TNKS: variants seen among roughly 807,000 people sequenced by gnomAD.
TNKS encodes poly [ADP-ribose] polymerase tankyrase-1.
Under a neutral mutation model 135.8 loss-of-function variants are expected in TNKS, and 72 were observed. That is an observed-to-expected ratio of 0.53 (90% confidence interval 0.44 to 0.64). TNKS has a LOEUF of 0.64. Ranked by LOEUF, TNKS falls within the 30% of genes least tolerant of loss-of-function variation. TNKS has a pLI of 0.00. For synonymous variants in TNKS, 849 were observed against 649.3 expected (o/e 1.31, Z -4.68); for missense variants, 1,769 against 1,674.0 (o/e 1.06, Z -0.99).
chr8:9,657,640 C>T (rs1423841656), intron 3 of TNKS, among the ~76,000 whole-genome samples: 5 of 84,896 alleles, frequency 5.9e-5, no homozygotes, highest in African/African-American at 2.3e-4. Flanking sequence ...GGCGGCTGGC[C>T]GGGTGGGGGG....
At position 9,693,394 on chromosome 8, in the gene TNKS, A is replaced by G. The variant is rs576251526; in HGVS notation, c.1108-11269A>G. Among the ~76,000 whole-genome samples the G allele has an allele frequency of 2.0e-5, 3 of 152,346 alleles. No homozygotes were observed. The East Asian group carries it at 5.8e-4, about 29-fold the overall frequency. ...TACATGTTCATATACATGGAAAAATATCTGAAATGATCATTGTGCAACTGT... is the reference window on the plus strand; with the variant it reads ...TACATGTTCATATACATGGAAAAATGTCTGAAATGATCATTGTGCAACTGT... On this transcript the variant is annotated intron_variant, in intron 5 of 26. Transcript: ENST00000310430.
chr8:9,764,584 A>T, intron 22 of TNKS, 132 bp from the exon 23 acceptor site: 1 of 511,854 alleles, frequency 2.0e-6, no homozygotes, highest in South Asian at 4.4e-5. Flanking sequence ...CACCAAAAAT[A>T]CTTATCCACT....
Position 9,777,317 on chromosome 8 carries a change from T to A in TNKS, c.*581T>A, listed in dbSNP as rs1248105327. 6.5e-6 allele frequency: 1 copy of A among 152,896 alleles called. No individual in the cohort carries two copies. Among genetic ancestry groups the A allele is most frequent in the African/African-American group, 2.4e-5 (1 of 41,462 alleles). The allele number at this position is 152,896 out of a possible 1,614,324, so 9.5% of individuals were successfully genotyped here. ...ACCCAAGCTTCTGGCTGAGCAAGATTCAGTTTCCACTTTTTAAAATTTTTT... is the reference window on the plus strand; with the variant it reads ...ACCCAAGCTTCTGGCTGAGCAAGATACAGTTTCCACTTTTTAAAATTTTTT... On this transcript the variant is annotated 3_prime_UTR_variant, in exon 27 of 27. Coordinates refer to ENST00000310430, the MANE Select transcript of TNKS (RefSeq NM_003747.3).
At chr8:9,646,121 A>C (rs1370274954) in intron 3 of TNKS, among the ~76,000 whole-genome samples, 1 of 152,116 alleles carries the variant, frequency 6.6e-6, no homozygotes, top group Non-Finnish European at 1.5e-5. Flanking sequence ...ATTTGGGCTT[A>C]CTTGTATATT....
chr8:9,748,577 G>A (rs1317503562), intron 18 of TNKS, among the ~76,000 whole-genome samples: 1 of 152,154 alleles, frequency 6.6e-6, no homozygotes, highest in Non-Finnish European at 1.5e-5. Context: ...AAGTCTGTGA[G>A]ATAGTCAAAG....
At chr8:9,763,523 C>T (rs1273456591) in intron 22 of TNKS, among the ~76,000 whole-genome samples, 1 of 152,156 alleles carries the variant, frequency 6.6e-6, no homozygotes, top group East Asian at 1.9e-4. Context: ...CCTATTACAA[C>T]TATTTTCTTA....
At position 9,728,999 on chromosome 8, in the gene TNKS, G is replaced by A. The variant is rs115258966; in HGVS notation, c.2002-1891G>A. Among the ~76,000 whole-genome samples, 517 of 152,288 alleles carry A rather than the reference G, an allele frequency of 3.4e-3. 3 individuals carry two copies. The highest frequency in any genetic ancestry group is 0.012 in the African/African-American group (486 of 41,548). ...ATAGAAATTTATTTCTCTCAGTTCT[G>A]GAGGCTAGGAAGTCCAAGATCCAGG... On this transcript the variant is annotated intron_variant, in intron 13 of 26. Transcript: ENST00000310430.
chr8:9,760,211 G>T (rs111776415), intron 20 of TNKS, among the ~76,000 whole-genome samples: 8 of 152,302 alleles, frequency 5.3e-5, no homozygotes, highest in African/African-American at 1.9e-4. Context: ...GTGTATTTCA[G>T]AACTGGGGTT....
chr8:9,752,590 C>A lies in TNKS; in HGVS notation c.3117C>A (p.Gly1039=). ...TCAGCCAATTTCTAAAAAGCCTTGG[C>A]CTTGAACACCTTCGGGATATCTTTG... ...MNISQFLKSL[G]LEHLRDIFET... Residue 1039 remains glycine (G), a synonymous_variant, in exon 20 of 27, where the codon GGC becomes GGA. Coordinates refer to ENST00000310430, the MANE Select transcript of TNKS (RefSeq NM_003747.3). 6.2e-7 allele frequency: 1 copy of A among 1,612,888 alleles called. No individual in the cohort carries two copies. Among genetic ancestry groups the A allele is most frequent in the Middle Eastern group, 1.7e-4 (1 of 6,056 alleles).
At chr8:9,709,847 T>TACTCTGA in intron 9 of TNKS, 108 bp from the exon 10 acceptor site, 1 of 766,276 alleles carries the variant, frequency 1.3e-6, no homozygotes, top group South Asian at 1.7e-5. Context: ...TATGTTCTGA[T>TACTCTGA]ACTCTGAGAT....
intron 5 of TNKS, among the ~76,000 whole-genome samples, chr8:9,691,192 T>A (rs1803248861): frequency 6.6e-6 from 1 of 152,242 alleles, no homozygotes; most frequent in Non-Finnish European, 1.5e-5. Flanking sequence ...TGACTGTCTG[T>A]TAGAGATATC....
intron 3 of TNKS, among the ~76,000 whole-genome samples, chr8:9,638,219 A>T (rs1272053549): frequency 2.0e-5 from 3 of 152,204 alleles, no homozygotes; most frequent in Non-Finnish European, 4.4e-5. Context: ...AAGAGATCCT[A>T]TCACCGCAGC....
intron 14 of TNKS, among the ~76,000 whole-genome samples, chr8:9,731,857 G>A (rs1230346669): frequency 6.6e-6 from 1 of 151,970 alleles, no homozygotes; most frequent in African/African-American, 2.4e-5. Flanking sequence ...GCACAATCTC[G>A]GCTCACTGCA....
At position 9,556,391 on chromosome 8, in the gene TNKS, C is replaced by T. The variant is rs1442398832; in HGVS notation, c.452C>T (p.Ala151Val). 1.1e-5 allele frequency: 17 copies of T among 1,614,096 alleles called. No individual in the cohort carries two copies. Among genetic ancestry groups the T allele is most frequent in the African/African-American group, 2.7e-5 (2 of 74,942 alleles). Reference protein sequence around the residue: ...SSPSSPGSSLAESPEAAGVSS... With the variant: ...SSPSSPGSSLVESPEAAGVSS... ...CCATCCTCCCCTGGATCGAGCTTGG[C>T]GGAGAGCCCCGAGGCGGCCGGAGTT... Residue 151 changes from alanine (A) to valine (V), a missense_variant, in exon 1 of 27, where the codon GCG becomes GTG. Around this residue, in one of 5 missense-constraint regions of TNKS, gnomAD observed 450 missense variants for 304.9 expected, o/e 1.48. Coordinates refer to ENST00000310430, the MANE Select transcript of TNKS (RefSeq NM_003747.3).
Position 9,770,270 on chromosome 8 carries a change from A to T in TNKS, c.3897+8A>T, listed in dbSNP as rs376456397. On this transcript the variant is annotated splice_region_variant and intron_variant, in intron 26 of 26. Coordinates refer to ENST00000310430, the MANE Select transcript of TNKS (RefSeq NM_003747.3). Reference sequence around the variant, plus strand: ...ATCTACAGAGGAGAACAGGTATGTTACTCATCAAACAAGCATAACCAAGTT... The same window carrying T: ...ATCTACAGAGGAGAACAGGTATGTTTCTCATCAAACAAGCATAACCAAGTT... The T allele has an allele frequency of 1.9e-6, 3 of 1,603,548 alleles. No homozygotes were observed. The African/African-American group carries it at 4.0e-5, about 21-fold the overall frequency.
At chr8:9,711,931 G>A (rs1804353539) in intron 11 of TNKS, among the ~76,000 whole-genome samples, 1 of 152,096 alleles carries the variant, frequency 6.6e-6, no homozygotes, top group Non-Finnish European at 1.5e-5. Flanking sequence ...CCTTAATTTG[G>A]TTTTAGGGTA....
intron 5 of TNKS, among the ~76,000 whole-genome samples, chr8:9,699,349 T>A (rs1186847391): frequency 4.6e-5 from 7 of 152,232 alleles, no homozygotes; most frequent in African/African-American, 1.7e-4. Context: ...GTGATTTTTT[T>A]GCTTTGGATC....
At chr8:9,577,881 A>C (rs1798013907) in intron 1 of TNKS, among the ~76,000 whole-genome samples, 1 of 152,208 alleles carries the variant, frequency 6.6e-6, no homozygotes, top group Non-Finnish European at 1.5e-5. Context: ...TCTGCCTGTA[A>C]AATCAAAGCC....
intron 2 of TNKS, among the ~76,000 whole-genome samples, chr8:9,582,415 A>G (rs961090984): frequency 2.6e-5 from 4 of 152,222 alleles, no homozygotes; most frequent in East Asian, 1.9e-4. Context: ...AGATGATGAA[A>G]TACTGGCCTG....
Sources: gnomAD v4.1 joint callset for allele counts (sites outside exome capture counted in the v4.1 genomes callset) on GRCh38, gnomAD v4.1.1 for gene constraint, gnomAD v4.1.1 regional missense constraint, MANE v1.5 for transcripts, NCBI Gene and HGNC (gene_info 2026-07-23, HGNC 2026-07-21) for gene names.